Variants in NEDD4L observed in about 807,000 individuals in gnomAD.
NEDD4L encodes the protein E3 ubiquitin-protein ligase NEDD4-like.
Under a neutral mutation model 148.9 loss-of-function variants are expected in NEDD4L, and 54 were observed. The observed-to-expected ratio is 0.36, with a 90% CI of 0.29 to 0.45. The LOEUF is 0.45. Among genes scored for constraint, NEDD4L ranks in the 20% least tolerant of loss-of-function variants. The pLI is 1.00. For synonymous variants in NEDD4L, 433 were observed against 440.7 expected (o/e 0.98, Z 0.22); for missense variants, 856 against 1,233.8 (o/e 0.69, Z 4.59).
intron 5 of NEDD4L, among the ~76,000 whole-genome samples, chr18:58,275,187 A>G (rs993929964): frequency 6.7e-6 from 1 of 150,238 alleles, no homozygotes; most frequent in African/African-American, 2.4e-5. Flanking sequence ...CTGTGTTCTC[A>G]TAATTAAACT....
At chr18:58,360,742 TTG>T (rs10665833) in intron 19 of NEDD4L, among the ~76,000 whole-genome samples, 1,708 of 145,476 alleles carry the variant, frequency 0.012, 14 homozygotes, top group African/African-American at 0.025. Flanking sequence ...AGTTTATAAT[TTG>T]TGTGTGTGTG....
intron 2 of NEDD4L, among the ~76,000 whole-genome samples, chr18:58,193,548 C>T (rs1268222278): frequency 6.6e-6 from 1 of 152,216 alleles, no homozygotes; most frequent in Non-Finnish European, 1.5e-5. Context: ...ATCCAACTTA[C>T]ACACACCACT....
intron 5 of NEDD4L, among the ~76,000 whole-genome samples, chr18:58,255,192 T>C (rs1304159456): frequency 6.6e-6 from 1 of 152,166 alleles, no homozygotes; most frequent in Non-Finnish European, 1.5e-5. Flanking sequence ...GGTTTAGATT[T>C]ATAGCAGCGT....
intron 3 of NEDD4L, among the ~76,000 whole-genome samples, chr18:58,245,846 ATTTTTTTTTTTT>A (rs58940181): frequency 2.2e-5 from 2 of 91,552 alleles, no homozygotes; most frequent in African/African-American, 4.4e-5. Flanking sequence ...ATGCCTGGCT[ATTTTTTTTTTTT>A]TTTTTTTTTT....
chr18:58,050,262 A>G (rs4072561), intron 1 of NEDD4L, among the ~76,000 whole-genome samples: 137,029 of 151,672 alleles, frequency 0.9, 61,956 homozygotes, highest in East Asian at 1. Flanking sequence ...AGACCAGCCC[A>G]GCCAACATGG....
At chr18:58,079,066 G>A (rs1428042644) in intron 1 of NEDD4L, among the ~76,000 whole-genome samples, 2 of 152,114 alleles carry the variant, frequency 1.3e-5, no homozygotes, top group African/African-American at 4.8e-5. Context: ...TGGGTGTGGC[G>A]ATGTGCGAAG....
intron 5 of NEDD4L, among the ~76,000 whole-genome samples, chr18:58,302,196 T>C: frequency 6.6e-6 from 1 of 152,200 alleles, no homozygotes; most frequent in South Asian, 2.1e-4. Flanking sequence ...CAGTGTATCA[T>C]GTATACACAT....
At chr18:58,291,702 T>C (rs1568596732) in intron 5 of NEDD4L, among the ~76,000 whole-genome samples, 1 of 152,226 alleles carries the variant, frequency 6.6e-6, no homozygotes, top group Admixed American at 6.5e-5. Flanking sequence ...TTTTTAAGAC[T>C]GATACACAAT....
At chr18:58,268,828 G>A (rs2050610299) in intron 5 of NEDD4L, among the ~76,000 whole-genome samples, 1 of 152,058 alleles carries the variant, frequency 6.6e-6, no homozygotes, top group African/African-American at 2.4e-5. Flanking sequence ...TTTCTGCAGA[G>A]GTTCTGTGTT....
Position 58,330,761 on chromosome 18 carries a change from A to G in NEDD4L, c.837A>G (p.Glu279=), listed in dbSNP as rs746498506. Residue 279 remains glutamate, a synonymous_variant, in exon 11 of 31, where the codon GAA becomes GAG. Transcript: ENST00000400345. ...VPEPWETISE[E]VNIAGDSLGL... ...AGCCTTGGGAGACCATTTCAGAGGAAGTGAATATCGCTGGAGACTCTCTCG... is the reference window on the plus strand; with the variant it reads ...AGCCTTGGGAGACCATTTCAGAGGAGGTGAATATCGCTGGAGACTCTCTCG... 4.4e-6 allele frequency: 7 copies of G among 1,604,396 alleles called. No individual in the cohort carries two copies. Among genetic ancestry groups the G allele is most frequent in the South Asian group, 3.3e-5 (3 of 89,984 alleles).
In NEDD4L at chr18:58,256,358, C is replaced by T; in HGVS notation, c.297+4304C>T. ...AGATGCTTCTGGAAGCTCTGGGAAG[C>T]GGTGTTTTGTCTTCCAGTTGCAGCA... is the stretch of plus-strand genomic sequence containing the variant. On this transcript the variant is annotated intron_variant, in intron 5 of 30. Transcript: ENST00000400345. The surrounding 1 kb of genome is among the most constrained non-coding windows in gnomAD (Gnocchi z 5.2). 2 of 1,232,180 alleles carry T rather than the reference C, an allele frequency of 1.6e-6. No homozygotes were observed. Among genetic ancestry groups the T allele is most frequent in the Non-Finnish European group, 2.0e-6 (2 of 987,976 alleles). 76.3% of individuals were successfully genotyped at this position (1,232,180 alleles called of 1,614,324 possible). A position where few individuals can be genotyped will look rare whatever the true frequency, so the allele number is the denominator to read the frequency against.
intron 2 of NEDD4L, among the ~76,000 whole-genome samples, chr18:58,199,014 A>G (rs2041081587): frequency 6.6e-6 from 1 of 151,912 alleles, no homozygotes; most frequent in African/African-American, 2.4e-5. Context: ...CTGGTCTCGA[A>G]CTCCTGACCT....
In NEDD4L at chr18:58,359,086, T is replaced by TTATC. The variant is rs553043277; in HGVS notation, c.1767+1837_1767+1840dup. ...TTAGGTCAAGCCTGTGGTGTTCAAA[T>TTATC]TATCTACATTCTCATTGCTATTTTG... On this transcript the variant is annotated intron_variant, in intron 19 of 30. Coordinates refer to ENST00000400345, the MANE Select transcript of NEDD4L (RefSeq NM_001144967.3). Among the ~76,000 whole-genome samples, 77 of 152,304 alleles carry TTATC rather than the reference T, an allele frequency of 5.1e-4. 1 individual carries two copies. The highest frequency in any genetic ancestry group is 4.7e-4 in the Non-Finnish European group (32 of 68,038).
At chr18:58,070,956 A>G (rs1054410684) in intron 1 of NEDD4L, among the ~76,000 whole-genome samples, 4 of 152,216 alleles carry the variant, frequency 2.6e-5, no homozygotes, top group African/African-American at 9.6e-5. Flanking sequence ...GACACATTGT[A>G]TTAGATAAAA....
intron 1 of NEDD4L, among the ~76,000 whole-genome samples, chr18:58,116,277 T>A (rs529478): frequency 0.56 from 85,578 of 152,154 alleles, 24,780 homozygotes; most frequent in African/African-American, 0.69. Context: ...ACAAAATCAT[T>A]TAATTTTATG....
chr18:58,108,506 C>T lies in NEDD4L; in HGVS notation c.49-57282C>T, dbSNP rs28602712. Among the ~76,000 whole-genome samples the T allele has an allele frequency of 8.5e-3, 1,292 of 152,246 alleles. 16 individuals are homozygous for T. The highest frequency in any genetic ancestry group is 0.028 in the African/African-American group (1,162 of 41,532). The stretch of plus-strand genomic sequence containing the variant: ...TGCGATCTCAGCTCACTGCAACCTC[C>T]GCCTCCTGGGTTCAAGTGATTCTCG... On this transcript the variant is annotated intron_variant, in intron 1 of 30. Coordinates refer to ENST00000400345, the MANE Select transcript of NEDD4L (RefSeq NM_001144967.3).
At chr18:58,305,398 T>C (rs1274664338) in intron 5 of NEDD4L, among the ~76,000 whole-genome samples, 1 of 152,200 alleles carries the variant, frequency 6.6e-6, no homozygotes, top group African/African-American at 2.4e-5. Context: ...AGAAATTTAA[T>C]TTTCTGAGGT....
intron 30 of NEDD4L, among the ~76,000 whole-genome samples, chr18:58,392,883 A>G (rs1008509719): frequency 6.6e-6 from 1 of 152,228 alleles, no homozygotes; most frequent in Non-Finnish European, 1.5e-5. Context: ...TATTGGGCAC[A>G]GTCATCATCT....
intron 5 of NEDD4L, among the ~76,000 whole-genome samples, chr18:58,313,079 T>C (rs1003972163): frequency 1.3e-5 from 2 of 152,226 alleles, no homozygotes; most frequent in Admixed American, 1.3e-4. Context: ...GAAACCTAGA[T>C]CTCTCACCAA....
Sources: gnomAD v4.1 joint callset for allele counts (sites outside exome capture counted in the v4.1 genomes callset) on GRCh38, gnomAD v4.1.1 for gene constraint, Gnocchi (gnomAD v3.1) non-coding constraint, MANE v1.5 for transcripts, NCBI Gene and HGNC (gene_info 2026-07-23, HGNC 2026-07-21) for gene names.